LOC128092252: variants seen among roughly 807,000 people sequenced by gnomAD.
the LOC128092252 span, among the ~76,000 whole-genome samples, chr15:50,679,541 T>TGTATATATATAATATA: frequency 1.4e-5 from 1 of 70,764 alleles, no homozygotes; most frequent in African/African-American, 4.3e-5. Context: ...TATATATATT[T>TGTATATATATAATATA]TTTTTTTTTT....
the LOC128092252 span, among the ~76,000 whole-genome samples, chr15:50,654,864 G>C: frequency 6.7e-6 from 1 of 150,048 alleles, no homozygotes; most frequent in East Asian, 2.0e-4. Context: ...ACCCGGGTGT[G>C]GCAGCAGGCA....
chr15:50,674,669 A>C, the LOC128092252 span, among the ~76,000 whole-genome samples: 6 of 152,156 alleles, frequency 3.9e-5, no homozygotes, highest in Admixed American at 3.9e-4. Flanking sequence ...ACTAATTAGC[A>C]ACCTTGTCTT....
the LOC128092252 span, among the ~76,000 whole-genome samples, chr15:50,654,412 A>T: frequency 6.6e-6 from 1 of 151,306 alleles, no homozygotes; most frequent in Admixed American, 6.6e-5. Flanking sequence ...GCAGCACTGC[A>T]CTCCAGCCTG....
At chr15:50,683,681 G>A in the LOC128092252 span, among the ~76,000 whole-genome samples, 1 of 151,990 alleles carries the variant, frequency 6.6e-6, no homozygotes, top group African/African-American at 2.4e-5. Context: ...CAGCAAGCCA[G>A]GCACTCCAGC....
chr15:50,668,708 A>T, the LOC128092252 span, among the ~76,000 whole-genome samples: 1 of 152,092 alleles, frequency 6.6e-6, no homozygotes, highest in Non-Finnish European at 1.5e-5. Flanking sequence ...GGTTTTCACT[A>T]TGTTGGCCAG....
At chr15:50,664,491 T>C in the LOC128092252 span, among the ~76,000 whole-genome samples, 3 of 152,000 alleles carry the variant, frequency 2.0e-5, no homozygotes, top group Admixed American at 6.6e-5. Flanking sequence ...AACACATCAA[T>C]AGGGATAGAG....
chr15:50,669,230 T>C, the LOC128092252 span, among the ~76,000 whole-genome samples: 4 of 152,000 alleles, frequency 2.6e-5, no homozygotes, highest in Non-Finnish European at 4.4e-5. Context: ...TCACCTGAGG[T>C]CTGGAGTTCG....
At chr15:50,673,744 C>G in the LOC128092252 span, among the ~76,000 whole-genome samples, 1 of 152,088 alleles carries the variant, frequency 6.6e-6, no homozygotes, top group African/African-American at 2.4e-5. Flanking sequence ...AACATGCGTA[C>G]GCAAGTATCT....
chr15:50,664,176 T>C, the LOC128092252 span, among the ~76,000 whole-genome samples: 3 of 151,810 alleles, frequency 2.0e-5, no homozygotes, highest in African/African-American at 7.2e-5. Context: ...CGTGTGCCTG[T>C]AATCCCAGCT....
chr15:50,665,595 T>C, the LOC128092252 span, among the ~76,000 whole-genome samples: 260 of 152,266 alleles, frequency 1.7e-3, 1 homozygote, highest in South Asian at 3.7e-3. Context: ...TTTTAAATTC[T>C]TAGAAGTGAA....
the LOC128092252 span, among the ~76,000 whole-genome samples, chr15:50,652,020 G>A: frequency 6.6e-6 from 1 of 151,770 alleles, no homozygotes; most frequent in African/African-American, 2.4e-5. Flanking sequence ...AAAGTAAGCA[G>A]AAGAAAAGAT....
the LOC128092252 span, among the ~76,000 whole-genome samples, chr15:50,682,270 C>G: frequency 2.0e-5 from 3 of 150,770 alleles, no homozygotes; most frequent in Non-Finnish European, 4.4e-5. Flanking sequence ...CTCCACACAC[C>G]AAAATTCCTT....
At chr15:50,686,055 T>C in the LOC128092252 span, among the ~76,000 whole-genome samples, 2 of 152,248 alleles carry the variant, frequency 1.3e-5, no homozygotes, top group Admixed American at 1.3e-4. Flanking sequence ...CCGTGTCCTC[T>C]ACCCCCTTTT....
the LOC128092252 span, among the ~76,000 whole-genome samples, chr15:50,658,451 T>A: frequency 6.6e-6 from 1 of 151,764 alleles, no homozygotes; most frequent in Non-Finnish European, 1.5e-5. Context: ...AGGCCTATAG[T>A]CCTAGCTACT....
At chr15:50,652,527 A>C in the LOC128092252 span, among the ~76,000 whole-genome samples, 43 of 47,284 alleles carry the variant, frequency 9.1e-4, no homozygotes, top group East Asian at 0.031. Context: ...CTCTGTCTCA[A>C]AAAAAAAAAA....
the LOC128092252 span, among the ~76,000 whole-genome samples, chr15:50,650,370 A>G: frequency 6.6e-6 from 1 of 152,000 alleles, no homozygotes; most frequent in Non-Finnish European, 1.5e-5. Context: ...GGGTCCTCAA[A>G]AAAAGTATCA....
chr15:50,672,008 T>A, the LOC128092252 span, among the ~76,000 whole-genome samples: 1 of 152,234 alleles, frequency 6.6e-6, no homozygotes, highest in Non-Finnish European at 1.5e-5. Flanking sequence ...TTTACTAGAC[T>A]ACGCTTTTTA....
the LOC128092252 span, among the ~76,000 whole-genome samples, chr15:50,668,189 T>C: frequency 6.6e-6 from 1 of 152,192 alleles, no homozygotes; most frequent in African/African-American, 2.4e-5. Context: ...TCTGATAACT[T>C]TGGAGACTCT....
the LOC128092252 span, among the ~76,000 whole-genome samples, chr15:50,656,469 T>C: frequency 1.3e-5 from 2 of 151,574 alleles, no homozygotes; most frequent in African/African-American, 4.8e-5. Flanking sequence ...AGGTACATGA[T>C]ACCATGCCAA....
Sources: gnomAD v4.1 joint callset for allele counts (sites outside exome capture counted in the v4.1 genomes callset) on GRCh38, gnomAD v4.1.1 for gene constraint, MANE v1.5 for transcripts.